The following DLG2 variants were observed in gnomAD, a reference collection of about 807,000 sequenced individuals.
DLG2 encodes the protein disks large homolog 2.
In DLG2, 45 loss-of-function variants were observed where a neutral mutation model predicts 132.5. The ratio of observed to expected loss-of-function variants is 0.34; its 90% CI spans 0.27 to 0.44. The LOEUF (loss-of-function observed/expected upper bound fraction) is 0.44. DLG2 is among the 20% of genes least tolerant of loss of function. The pLI, the probability that DLG2 is intolerant of heterozygous loss-of-function variation, is 1.00. For missense variants in DLG2, 1,045 were observed against 1,196.9 expected, an observed-to-expected ratio of 0.87 and a Z score of 1.87; for synonymous variants, 424 against 419.6, an observed-to-expected ratio of 1.01 and a Z score of -0.13.
Position 84,237,991 on chromosome 11 carries a change from G to A in DLG2, c.573+13247C>T, listed in dbSNP as rs1337425284. On this transcript the variant is annotated intron_variant, in intron 8 of 27. Coordinates refer to ENST00000376104, the MANE Select transcript of DLG2 (RefSeq NM_001142699.3). ...CGGGAGGCAGAGGTTGCAGTGAGCC[G>A]AGAGATCACACCACTGCACTCCAGC... is the stretch of plus-strand genomic sequence containing the variant. Among the ~76,000 whole-genome samples the A allele has an allele frequency of 3.1e-4, 45 of 143,058 alleles. 2 individuals carry two copies. Among genetic ancestry groups the A allele is most frequent in the East Asian group, 2.1e-4 (1 of 4,852 alleles). 93.9% of individuals were successfully genotyped at this position (143,058 alleles called of 152,430 possible).
rs567298333 is a variant in DLG2, at chr11:84,901,690, G to A, written c.357+209971C>T. On this transcript the variant is annotated intron_variant, in intron 6 of 27. Coordinates refer to ENST00000376104, the MANE Select transcript of DLG2 (RefSeq NM_001142699.3). ...TTTAACAGCTTAAAATGTTGTTATA[G>A]GGTCATTTGATTTATACAGCAGACC... Among the ~76,000 whole-genome samples, 6 of 152,052 alleles carry A rather than the reference G, an allele frequency of 3.9e-5. No individual in the cohort carries two copies. The East Asian group carries it at 1.2e-3, about 29-fold the overall frequency.
intron 7 of DLG2, among the ~76,000 whole-genome samples, chr11:84,365,856 CGGGGAGAAT>C (rs1343170038): frequency 6.6e-6 from 1 of 151,848 alleles, no homozygotes; most frequent in Admixed American, 6.6e-5. Context: ...TTGAAAGTGA[CGGGGAGAAT>C]GGAACCAAGT....
intron 15 of DLG2, among the ~76,000 whole-genome samples, chr11:83,878,751 G>C (rs2065399273): frequency 1.3e-5 from 2 of 152,126 alleles, no homozygotes; most frequent in African/African-American, 4.8e-5. Flanking sequence ...TGAGCATGAG[G>C]GAGGCTCAGC....
chr11:83,873,271 G>T (rs1255265052), intron 16 of DLG2, among the ~76,000 whole-genome samples: 2 of 152,114 alleles, frequency 1.3e-5, no homozygotes, highest in African/African-American at 4.8e-5. Context: ...GACTACTTTA[G>T]AAATAAAATC....
intron 15 of DLG2, among the ~76,000 whole-genome samples, chr11:83,917,554 A>G (rs541051871): frequency 2.6e-5 from 4 of 152,318 alleles, no homozygotes; most frequent in Admixed American, 2.6e-4. Flanking sequence ...TGAAATCAAA[A>G]AATCCCAGGG....
At chr11:84,145,515 G>A (rs2095045677) in intron 9 of DLG2, among the ~76,000 whole-genome samples, 1 of 152,144 alleles carries the variant, frequency 6.6e-6, no homozygotes, top group Admixed American at 6.5e-5. Flanking sequence ...CTGTTGTATA[G>A]GCAGTTTGTC....
chr11:83,564,590 T>C (rs1475178680), intron 19 of DLG2, among the ~76,000 whole-genome samples: 1 of 152,214 alleles, frequency 6.6e-6, no homozygotes, highest in Non-Finnish European at 1.5e-5. Context: ...ATCTATGTTT[T>C]TGGGGTTTAC....
chr11:83,797,905 G>A (rs558217949), intron 17 of DLG2, among the ~76,000 whole-genome samples: 2 of 152,312 alleles, frequency 1.3e-5, no homozygotes, highest in South Asian at 4.1e-4. Context: ...TGACCATAAT[G>A]AGGAGTCATT....
chr11:85,274,345 C>T (rs963597118), intron 4 of DLG2, among the ~76,000 whole-genome samples: 4 of 152,094 alleles, frequency 2.6e-5, no homozygotes, highest in Non-Finnish European at 5.9e-5. Flanking sequence ...TTCCCACCAG[C>T]AAATAAACTA....
At chr11:83,799,172 A>C (rs1178879107) in intron 17 of DLG2, among the ~76,000 whole-genome samples, 5 of 152,252 alleles carry the variant, frequency 3.3e-5, no homozygotes, top group Admixed American at 6.5e-5. Flanking sequence ...GAAACTACAG[A>C]TATCACATTC....
intron 3 of DLG2, among the ~76,000 whole-genome samples, chr11:85,514,248 A>G (rs765948602): frequency 2.6e-5 from 4 of 152,030 alleles, no homozygotes; most frequent in Non-Finnish European, 5.9e-5. Context: ...CTGTTAACAA[A>G]TGCAGAAATG....
At chr11:85,417,991 G>C (rs554840283) in intron 3 of DLG2, among the ~76,000 whole-genome samples, 2 of 151,916 alleles carry the variant, frequency 1.3e-5, no homozygotes, top group Non-Finnish European at 2.9e-5. Context: ...TTTTGAATTT[G>C]TTTTCTCTTG....
chr11:85,060,498 T>C (rs2063972024), intron 6 of DLG2, among the ~76,000 whole-genome samples: 1 of 151,046 alleles, frequency 6.6e-6, no homozygotes, highest in South Asian at 2.1e-4. Context: ...TATACACGCA[T>C]ATGTATATGT....
intron 6 of DLG2, among the ~76,000 whole-genome samples, chr11:84,790,168 C>G (rs1016226433): frequency 3.9e-5 from 6 of 152,098 alleles, no homozygotes; most frequent in African/African-American, 1.4e-4. Context: ...CTAAAATGTT[C>G]TCCAAAGAGG....
chr11:84,361,096 C>T (rs1234721898), intron 7 of DLG2, among the ~76,000 whole-genome samples: 1 of 151,746 alleles, frequency 6.6e-6, no homozygotes, highest in African/African-American at 2.4e-5. Context: ...AACACTGGAA[C>T]AAAATGAACA....
intron 3 of DLG2, among the ~76,000 whole-genome samples, chr11:85,475,430 T>C (rs1471476159): frequency 6.6e-6 from 1 of 152,070 alleles, no homozygotes; most frequent in African/African-American, 2.4e-5. Context: ...AAACATTATA[T>C]GCCAATTTTA....
At chr11:85,268,988 T>C (rs2077374310) in intron 4 of DLG2, among the ~76,000 whole-genome samples, 1 of 152,210 alleles carries the variant, frequency 6.6e-6, no homozygotes, top group Non-Finnish European at 1.5e-5. Context: ...GAATGTGTCA[T>C]AATAGAAATA....
At chr11:85,418,651 G>C (rs2090055505) in intron 3 of DLG2, among the ~76,000 whole-genome samples, 1 of 152,142 alleles carries the variant, frequency 6.6e-6, no homozygotes, top group African/African-American at 2.4e-5. Flanking sequence ...ATATATTTAG[G>C]ATAGTTAGCT....
At chr11:83,746,182 A>G (rs554964165) in intron 18 of DLG2, among the ~76,000 whole-genome samples, 3 of 152,230 alleles carry the variant, frequency 2.0e-5, no homozygotes, top group African/African-American at 7.2e-5. Flanking sequence ...TTCCCCAGGG[A>G]TCTAGAACTA....
Sources: allele counts gnomAD v4.1 joint callset (sites outside exome capture counted in the v4.1 genomes callset), GRCh38; gene constraint gnomAD v4.1.1; transcripts MANE v1.5; gene names NCBI Gene and HGNC (gene_info 2026-07-23, HGNC 2026-07-21).